The following TOPAZ1 variants were observed in gnomAD, a reference collection of about 807,000 sequenced individuals.
TOPAZ1 encodes protein TOPAZ1.
Under a neutral mutation model 172.2 loss-of-function variants are expected in TOPAZ1, and 66 were observed. The observed-to-expected ratio is 0.38, with a 90% CI of 0.31 to 0.47. The LOEUF is 0.47. Among genes scored for constraint, TOPAZ1 ranks in the 20% least tolerant of loss-of-function variants. TOPAZ1 has a pLI of 0.99. For missense variants in TOPAZ1, 1,822 were observed against 1,972.4 expected (o/e 0.92, Z 1.44); for synonymous variants, 681 against 683.9 (o/e 1.00, Z 0.07).
chr3:44,284,888 T>C (rs1172760110), intron 9 of TOPAZ1, among the ~76,000 whole-genome samples: 2 of 152,148 alleles, frequency 1.3e-5, no homozygotes, highest in Admixed American at 6.5e-5. Flanking sequence ...ATAAATATGA[T>C]CACATAAATT....
intron 16 of TOPAZ1, among the ~76,000 whole-genome samples, chr3:44,315,130 T>TGGATGGATGGAC (rs1248906814): frequency 5.3e-5 from 8 of 151,932 alleles, no homozygotes; most frequent in Admixed American, 5.3e-4. Flanking sequence ...GATGGATGGA[T>TGGATGGATGGAC]GGATGGATGT....
intron 5 of TOPAZ1, among the ~76,000 whole-genome samples, chr3:44,265,011 G>A (rs2125684199): frequency 6.6e-6 from 1 of 152,286 alleles, no homozygotes; most frequent in South Asian, 2.1e-4. Flanking sequence ...CATCTATGAG[G>A]GTTGGAATCA....
rs374139717 is a variant in TOPAZ1, at chr3:44,270,659, G to T, written c.3247-26G>T. 1.9e-4 allele frequency: 295 copies of T among 1,524,644 alleles called. No homozygotes were observed. In the African/African-American group the frequency reaches 3.6e-3, roughly 19 times the overall value. The allele number at this position is 1,524,644 out of a possible 1,614,324, so 94.4% of individuals were successfully genotyped here. A position where few individuals can be genotyped will look rare whatever the true frequency, so the allele number is the denominator to read the frequency against. On this transcript the variant is annotated intron_variant, in intron 7 of 19. Transcript: ENST00000309765. ...TAGTAAGTGCTTTACAGTTAATACA[G>T]AAAGTGAATCTTTCTAATTTTCTAG...
At chr3:44,325,638 AC>A (rs1326708624) in intron 18 of TOPAZ1, among the ~76,000 whole-genome samples, 1 of 148,960 alleles carries the variant, frequency 6.7e-6, no homozygotes, top group East Asian at 1.9e-4. Context: ...TGTTTTAGTG[AC>A]TGGCTTTTTT....
chr3:44,256,268 T>C lies in TOPAZ1; in HGVS notation c.2945T>C (p.Leu982Ser). Reference sequence around the variant, plus strand: ...AGTGAACAAATAAAAGGTTCAGACTTGGATGAAAAGGTACTAGGGGATCTT... The same window carrying C: ...AGTGAACAAATAAAAGGTTCAGACTCGGATGAAAAGGTACTAGGGGATCTT... ...DFSEQIKGSD[L>S]DEKHRFTDKV... The change falls in exon 4 of 20, where the codon TTG becomes TCG. Residue 982 changes from leucine (L) to serine (S), a missense_variant. This residue lies in a region of TOPAZ1 where 1,489 missense variants were observed against 1,490.8 expected (regional missense o/e 1.00). Coordinates refer to ENST00000309765, the MANE Select transcript of TOPAZ1 (RefSeq NM_001145030.2). The C allele has an allele frequency of 6.6e-7, 1 of 1,519,822 alleles. No homozygotes were observed. Among genetic ancestry groups the C allele is most frequent in the Non-Finnish European group, 8.8e-7 (1 of 1,138,206 alleles). The allele number at this position is 1,519,822 out of a possible 1,614,324, so 94.1% of individuals were successfully genotyped here. A position where few individuals can be genotyped will look rare whatever the true frequency, so the allele number is the denominator to read the frequency against.
rs1271417616 is a variant in TOPAZ1 at position 44,331,810 on chromosome 3, T to G, written c.4878T>G (p.Ser1626=). 1 of 1,551,880 alleles carries G rather than the reference T, an allele frequency of 6.4e-7. No individual in the cohort carries two copies. The highest frequency in any genetic ancestry group is 2.4e-5 in the East Asian group (1 of 40,914). ...IVLKRCEDNQ[S]RSNDDYQAAV... is the part of the protein sequence containing the mutation. ...TTTATAGGTGTGAAGACAACCAGTC[T>G]CGGAGCAATGATGATTATCAAGCTG... The change falls in exon 20 of 20, where the codon TCT becomes TCG. Residue 1626 remains serine, a synonymous_variant. Transcript: ENST00000309765.
chr3:44,291,652 G>T (rs1418358341), intron 12 of TOPAZ1, among the ~76,000 whole-genome samples: 1 of 145,170 alleles, frequency 6.9e-6, no homozygotes, highest in Admixed American at 6.9e-5. Context: ...TATACAAGTG[G>T]TACCATAATG....
downstream of TOPAZ1, among the ~76,000 whole-genome samples, chr3:44,334,448 A>G (rs144343933): frequency 1.1e-4 from 16 of 152,052 alleles, no homozygotes; most frequent in African/African-American, 3.9e-4. Flanking sequence ...GTTATGAAAA[A>G]CTTACTGGGG....
intron 2 of TOPAZ1, among the ~76,000 whole-genome samples, chr3:44,246,450 G>C (rs913530888): frequency 6.6e-6 from 1 of 152,060 alleles, no homozygotes; most frequent in Non-Finnish European, 1.5e-5. Context: ...TACCTTTGTG[G>C]TATCATACTC....
intron 4 of TOPAZ1, among the ~76,000 whole-genome samples, chr3:44,260,301 TG>T (rs1158305402): frequency 1.3e-5 from 2 of 152,362 alleles, no homozygotes; most frequent in East Asian, 3.9e-4. Flanking sequence ...GAACTTTTCA[TG>T]AAATAAACAT....
intron 18 of TOPAZ1, among the ~76,000 whole-genome samples, chr3:44,326,662 G>T (rs1341453627): frequency 6.6e-6 from 1 of 152,108 alleles, no homozygotes; most frequent in Non-Finnish European, 1.5e-5. Flanking sequence ...TTTCATGCCA[G>T]ACTAATCAGG....
At chr3:44,258,469 A>G (rs1352474613) in intron 4 of TOPAZ1, among the ~76,000 whole-genome samples, 3 of 152,134 alleles carry the variant, frequency 2.0e-5, no homozygotes, top group African/African-American at 4.8e-5. Context: ...TCCATCGCCC[A>G]TTCCTTAACC....
At chr3:44,255,714 CACACACATAT>C (rs747647828) in intron 3 of TOPAZ1, among the ~76,000 whole-genome samples, 109 of 74,602 alleles carry the variant, frequency 1.5e-3, no homozygotes, top group Middle Eastern at 7.0e-3. Flanking sequence ...CACACACACA[CACACACATAT>C]ATATATGGTT....
At chr3:44,254,309 C>G (rs1012886929) in intron 2 of TOPAZ1, among the ~76,000 whole-genome samples, 2 of 152,078 alleles carry the variant, frequency 1.3e-5, no homozygotes, top group African/African-American at 4.8e-5. Flanking sequence ...TGACATTGAC[C>G]GTATGACATA....
At chr3:44,255,662 A>T (rs767519497) in intron 3 of TOPAZ1, among the ~76,000 whole-genome samples, 3,181 of 79,914 alleles carry the variant, frequency 0.04, 167 homozygotes, top group Non-Finnish European at 0.049. Context: ...AAAAAAAAAA[A>T]ATATATATAC....
chr3:44,310,095 G>A (rs1021259664), intron 16 of TOPAZ1, 105 bp downstream of exon 16: 4 of 1,064,330 alleles, frequency 3.8e-6, no homozygotes, highest in African/African-American at 1.6e-5. Context: ...TAATAGTTTG[G>A]TCTAAACCCT....
chr3:44,256,652 C>T (rs747543009), intron 4 of TOPAZ1, among the ~76,000 whole-genome samples: 1 of 152,018 alleles, frequency 6.6e-6, no homozygotes, highest in Non-Finnish European at 1.5e-5. Context: ...TACCTGAGGG[C>T]CATGCTTCCT....
chr3:44,320,782 A>C (rs1226527039), intron 16 of TOPAZ1, among the ~76,000 whole-genome samples: 2 of 152,168 alleles, frequency 1.3e-5, no homozygotes, highest in Non-Finnish European at 2.9e-5. Flanking sequence ...TGACTAGTAC[A>C]CTTAGATGAA....
chr3:44,255,092 C>T, intron 3 of TOPAZ1, 63 bp downstream of exon 3: 2 of 1,212,936 alleles, frequency 1.6e-6, no homozygotes, highest in Non-Finnish European at 2.4e-6. Context: ...CCATTCAGGC[C>T]TAGTCAAGAT....
Sources: allele counts gnomAD v4.1 joint callset (sites outside exome capture counted in the v4.1 genomes callset), GRCh38; gene constraint gnomAD v4.1.1; regional missense constraint gnomAD v4.1.1; transcripts MANE v1.5; gene names NCBI Gene and HGNC (gene_info 2026-07-23, HGNC 2026-07-21).